Variants in SAMD12 observed in about 807,000 individuals in gnomAD.
The protein encoded by SAMD12 is sterile alpha motif domain-containing protein 12.
In SAMD12, 9 loss-of-function variants were observed where a neutral mutation model predicts 15.0. The ratio of observed to expected loss-of-function variants is 0.60; its 90% CI spans 0.36 to 1.05. SAMD12 has a LOEUF of 1.05. Ranked by LOEUF, SAMD12 falls within the 50% of genes least tolerant of loss-of-function variation. The pLI is 0.01. For missense variants in SAMD12, 230 were observed against 234.2 expected (o/e 0.98, Z 0.12); for synonymous variants, 86 against 90.1 (o/e 0.96, Z 0.25).
chr8:118,454,371 A>C (rs189330186), intron 2 of SAMD12, among the ~76,000 whole-genome samples: 1 of 152,284 alleles, frequency 6.6e-6, no homozygotes, highest in East Asian at 1.9e-4. Flanking sequence ...AGAAGGCTTT[A>C]AGGACCTTTT....
chr8:118,408,003 T>G (rs1156764994), intron 3 of SAMD12, among the ~76,000 whole-genome samples: 1 of 152,174 alleles, frequency 6.6e-6, no homozygotes, highest in Non-Finnish European at 1.5e-5. Context: ...TGAAACTTTA[T>G]CACAACCTCC....
chr8:118,132,603 A>G, the SAMD12 span, among the ~76,000 whole-genome samples: 2 of 152,152 alleles, frequency 1.3e-5, no homozygotes, highest in African/African-American at 4.8e-5. Flanking sequence ...AATTTTCTAG[A>G]ACAAGTGTTT....
chr8:118,433,293 T>TAG (rs756767286), intron 3 of SAMD12, among the ~76,000 whole-genome samples: 12 of 152,224 alleles, frequency 7.9e-5, no homozygotes, highest in Admixed American at 2.6e-4. Flanking sequence ...GAAACATTCT[T>TAG]AGTAAATAAA....
chr8:118,236,041 G>A (rs535101524), intron 4 of SAMD12, among the ~76,000 whole-genome samples: 5 of 152,292 alleles, frequency 3.3e-5, no homozygotes, highest in African/African-American at 1.2e-4. Context: ...TATGGTTGTT[G>A]TGAGATTAAA....
At chr8:118,320,360 G>C (rs1337527259) in intron 4 of SAMD12, among the ~76,000 whole-genome samples, 1 of 152,006 alleles carries the variant, frequency 6.6e-6, no homozygotes, top group Non-Finnish European at 1.5e-5. Flanking sequence ...AATATAGAAA[G>C]GGTTAAGGGA....
intron 4 of SAMD12, among the ~76,000 whole-genome samples, chr8:118,344,846 ATGG>A (rs1180620073): frequency 6.6e-6 from 1 of 152,222 alleles, no homozygotes; most frequent in African/African-American, 2.4e-5. Context: ...TCAATATACA[ATGG>A]TGGTCCCATA....
chr8:118,205,462 T>C (rs1157726466), intron 4 of SAMD12, among the ~76,000 whole-genome samples: 1 of 152,212 alleles, frequency 6.6e-6, no homozygotes, highest in Non-Finnish European at 1.5e-5. Context: ...CCATGACCTT[T>C]ACTCCACAAA....
chr8:118,472,034 T>TC (rs1328700277), intron 2 of SAMD12, among the ~76,000 whole-genome samples: 1 of 152,086 alleles, frequency 6.6e-6, no homozygotes, highest in East Asian at 1.9e-4. Flanking sequence ...ACGCCTGTAA[T>TC]CCCAGCACTT....
downstream of SAMD12, among the ~76,000 whole-genome samples, chr8:118,373,081 G>T (rs1313993684): frequency 6.6e-6 from 1 of 152,106 alleles, no homozygotes; most frequent in Non-Finnish European, 1.5e-5. Flanking sequence ...TGTTGTGGTA[G>T]TTATTCAACT....
intron 4 of SAMD12, among the ~76,000 whole-genome samples, chr8:118,343,558 G>C (rs5027738): frequency 0.43 from 65,391 of 151,682 alleles, 14,977 homozygotes; most frequent in East Asian, 0.83. Context: ...GGCTGGGTTG[G>C]GATTAGGGTG....
chr8:118,556,346 AT>A (rs1826529292), intron 2 of SAMD12, among the ~76,000 whole-genome samples: 1 of 152,200 alleles, frequency 6.6e-6, no homozygotes. Context: ...AATTGCTAAT[AT>A]GGCCATGATG....
chr8:118,169,885 T>C, the SAMD12 span, among the ~76,000 whole-genome samples: 2 of 152,194 alleles, frequency 1.3e-5, no homozygotes, highest in African/African-American at 2.4e-5. Flanking sequence ...TGGTTAAGTG[T>C]GTTCATATGA....
chr8:118,332,902 C>T (rs1228899811), intron 4 of SAMD12, among the ~76,000 whole-genome samples: 3 of 152,160 alleles, frequency 2.0e-5, no homozygotes, highest in Admixed American at 1.3e-4. Flanking sequence ...CCGAACCTCT[C>T]CCTTTTAAGG....
intron 2 of SAMD12, among the ~76,000 whole-genome samples, chr8:118,579,642 G>C (rs980826320): frequency 2.0e-5 from 3 of 152,142 alleles, no homozygotes; most frequent in African/African-American, 7.2e-5. Context: ...GAGGAGAAGG[G>C]AGGTGGTTAT....
In SAMD12 at chr8:118,416,260, C is replaced by T. The variant is rs10097322; in HGVS notation, c.322+23572G>A. On this transcript the variant is annotated intron_variant, in intron 3 of 3. Transcript: ENST00000314727. Reference sequence around the variant, plus strand: ...TATGAAGTGATGAGCTTCATAATTACGTTATCCTTAACCATATTAACTATT... The same window carrying T: ...TATGAAGTGATGAGCTTCATAATTATGTTATCCTTAACCATATTAACTATT... Among the ~76,000 whole-genome samples the T allele has an allele frequency of 3.7e-3, 563 of 152,226 alleles. 5 individuals carry two copies. Among genetic ancestry groups the T allele is most frequent in the African/African-American group, 0.013 (529 of 41,544 alleles).
intron 2 of SAMD12, among the ~76,000 whole-genome samples, chr8:118,466,842 C>A (rs976320941): frequency 6.6e-6 from 1 of 151,996 alleles, no homozygotes; most frequent in Non-Finnish European, 1.5e-5. Flanking sequence ...AAAATTAAAC[C>A]GAAAATTAGA....
chr8:118,364,662 A>C (rs1376990458), intron 4 of SAMD12, among the ~76,000 whole-genome samples: 2 of 152,148 alleles, frequency 1.3e-5, no homozygotes, highest in Non-Finnish European at 2.9e-5. Flanking sequence ...TGAGGGTCTA[A>C]TTTGTCAGGT....
intron 2 of SAMD12, among the ~76,000 whole-genome samples, chr8:118,483,352 T>C (rs1220919805): frequency 6.6e-6 from 1 of 152,188 alleles, no homozygotes. Flanking sequence ...CTTGGATTTG[T>C]ACACCAAAAA....
rs539341736 is a variant in SAMD12 at position 118,297,669 on chromosome 8, G to A, written c.433+81891C>T. On this transcript the variant is annotated intron_variant, in intron 4 of 4. Transcript: ENST00000409003. ...GAACGGCAGTGTTACACACTCCTGA[G>A]GGAAGAGATTTGTAAATTATTATAA... 2.6e-5 allele frequency among the ~76,000 whole-genome samples: 4 copies of A among 152,242 alleles called. No homozygotes were observed. In the East Asian group the frequency reaches 7.7e-4, roughly 29 times the overall value.
Sources: gnomAD v4.1 joint callset for allele counts (sites outside exome capture counted in the v4.1 genomes callset) on GRCh38, gnomAD v4.1.1 for gene constraint, MANE v1.5 for transcripts, NCBI Gene and HGNC (gene_info 2026-07-23, HGNC 2026-07-21) for gene names.